The following GLRA2 variants were observed in gnomAD, a reference collection of about 807,000 sequenced individuals.
The protein encoded by GLRA2 is glycine receptor subunit alpha-2.
GLRA2 carries 11 observed loss-of-function variants against 31.6 expected under a neutral mutation model. The ratio of observed to expected loss-of-function variants is 0.35; its 90% CI spans 0.22 to 0.58. The LOEUF is 0.58. Among genes scored for constraint, GLRA2 ranks in the 20% least tolerant of loss-of-function variants. The pLI is 0.84. For synonymous variants in GLRA2, 132 were observed against 134.0 expected, an observed-to-expected ratio of 0.99 and a Z score of 0.10; for missense variants, 212 against 351.8, an observed-to-expected ratio of 0.60 and a Z score of 3.18.
chrX:14,455,769 T>C, the GLRA2 span, among the ~76,000 whole-genome samples: 1 of 112,188 alleles, frequency 8.9e-6, no homozygotes, highest in African/African-American at 3.2e-5. Context: ...ATGAATCTGT[T>C]AAGATGATTA....
the GLRA2 span, among the ~76,000 whole-genome samples, chrX:14,459,535 C>T: frequency 9.1e-6 from 1 of 110,489 alleles, no homozygotes; most frequent in African/African-American, 3.3e-5. Flanking sequence ...TGTTTGTATC[C>T]TCTTTTATTT....
chrX:14,498,531 T>C, the GLRA2 span, among the ~76,000 whole-genome samples: 1 of 111,086 alleles, frequency 9.0e-6, no homozygotes, highest in Non-Finnish European at 1.9e-5. Context: ...TGAGGTAATT[T>C]AATATATTTG....
At chrX:14,672,848 G>T (rs1289965358) in intron 7 of GLRA2, among the ~76,000 whole-genome samples, 2 of 111,370 alleles carry the variant, frequency 1.8e-5, no homozygotes, top group Non-Finnish European at 3.8e-5. Flanking sequence ...TGAAACAGTA[G>T]GTAGCTGATT....
the GLRA2 span, among the ~76,000 whole-genome samples, chrX:14,451,889 G>T: frequency 9.0e-6 from 1 of 110,782 alleles, no homozygotes; most frequent in Non-Finnish European, 1.9e-5. Context: ...TAATGATAAA[G>T]GGTTGAATTC....
intron 8 of GLRA2, among the ~76,000 whole-genome samples, chrX:14,705,479 T>C (rs995576894): frequency 1.8e-5 from 2 of 111,743 alleles, no homozygotes; most frequent in African/African-American, 3.3e-5. Context: ...CAAAGAATCA[T>C]CTGACCCGAA....
chrX:14,717,473 G>A (rs1346921493), intron 8 of GLRA2, among the ~76,000 whole-genome samples: 2 of 110,699 alleles, frequency 1.8e-5, no homozygotes, highest in Non-Finnish European at 3.8e-5. Flanking sequence ...TATAGGACAC[G>A]GGCTCACTTT....
At chrX:14,464,549 T>TTTTA in the GLRA2 span, among the ~76,000 whole-genome samples, 3 of 110,197 alleles carry the variant, frequency 2.7e-5, no homozygotes, top group Non-Finnish European at 3.8e-5. Context: ...TGTATCTATT[T>TTTTA]TTTATTTATT....
intron 7 of GLRA2, among the ~76,000 whole-genome samples, chrX:14,625,441 A>G (rs978149323): frequency 3.6e-5 from 4 of 111,517 alleles, no homozygotes; most frequent in Non-Finnish European, 7.5e-5. Flanking sequence ...TCTTCCTAGC[A>G]TCGATGGTCT....
the GLRA2 span, among the ~76,000 whole-genome samples, chrX:14,459,780 A>T: frequency 9.0e-6 from 1 of 111,684 alleles, no homozygotes; most frequent in African/African-American, 3.3e-5. Flanking sequence ...GGCTGAGATG[A>T]TGGGGTTTTC....
intron 7 of GLRA2, among the ~76,000 whole-genome samples, chrX:14,642,221 G>T (rs1453822594): frequency 9.0e-6 from 1 of 111,721 alleles, no homozygotes; most frequent in African/African-American, 3.2e-5. Context: ...ACTTACAGGG[G>T]GCCATGGGGT....
chrX:14,502,472 A>G, the GLRA2 span, among the ~76,000 whole-genome samples: 1 of 111,691 alleles, frequency 9.0e-6, no homozygotes, highest in East Asian at 2.8e-4. Flanking sequence ...CTTAACAGGT[A>G]TTTATTGAGT....
intron 7 of GLRA2, among the ~76,000 whole-genome samples, chrX:14,678,137 G>A (rs2091163848): frequency 8.9e-6 from 1 of 111,739 alleles, no homozygotes; most frequent in Non-Finnish European, 1.9e-5. Context: ...AGTCATCAGT[G>A]GGAATGGATT....
At chrX:14,549,124 A>G (rs1409676588) in intron 2 of GLRA2, among the ~76,000 whole-genome samples, 2 of 112,135 alleles carry the variant, frequency 1.8e-5, no homozygotes, top group African/African-American at 6.5e-5. Flanking sequence ...GCTTTATAAA[A>G]GAGGAGGTAC....
the GLRA2 span, among the ~76,000 whole-genome samples, chrX:14,504,050 C>CT: frequency 9.0e-6 from 1 of 111,412 alleles, no homozygotes; most frequent in Non-Finnish European, 1.9e-5. Context: ...CTCCTCCAGT[C>CT]TTTTTTTCTA....
the GLRA2 span, among the ~76,000 whole-genome samples, chrX:14,494,941 C>T: frequency 8.9e-6 from 1 of 112,005 alleles, no homozygotes; most frequent in Non-Finnish European, 1.9e-5. Flanking sequence ...AATCAGTCCT[C>T]TGTATGATGC....
At chrX:14,487,386 G>GT in the GLRA2 span, among the ~76,000 whole-genome samples, 1 of 19,058 alleles carries the variant, frequency 5.2e-5, no homozygotes, top group Non-Finnish European at 8.5e-5. Flanking sequence ...TTGGTTTTCT[G>GT]TAAAAAAAAA....
intron 2 of GLRA2, among the ~76,000 whole-genome samples, chrX:14,546,814 T>C (rs1432192049): frequency 9.0e-6 from 1 of 111,461 alleles, no homozygotes; most frequent in African/African-American, 3.3e-5. Context: ...TCCTTCATCA[T>C]GGGGCCTCTC....
the GLRA2 span, among the ~76,000 whole-genome samples, chrX:14,493,725 G>A: frequency 2.2e-5 from 2 of 91,091 alleles, no homozygotes; most frequent in African/African-American, 9.3e-5. Flanking sequence ...ACATATATAC[G>A]TGTATATGTA....
chrX:14,487,740 C>G, the GLRA2 span, among the ~76,000 whole-genome samples: 1 of 111,930 alleles, frequency 8.9e-6, no homozygotes, highest in Non-Finnish European at 1.9e-5. Flanking sequence ...GGGCAATGGT[C>G]TTGCAGAATA....
Sources: gnomAD v4.1 joint callset for allele counts (sites outside exome capture counted in the v4.1 genomes callset) on GRCh38, gnomAD v4.1.1 for gene constraint, MANE v1.5 for transcripts, NCBI Gene and HGNC (gene_info 2026-07-23, HGNC 2026-07-21) for gene names.